Variants in CRAMP1 observed in about 807,000 individuals in gnomAD.
CRAMP1 encodes protein cramped-like.
CRAMP1 carries 50 observed loss-of-function variants against 115.4 expected under a neutral mutation model. The observed-to-expected ratio is 0.43, with a 90% CI of 0.35 to 0.55. The LOEUF (loss-of-function observed/expected upper bound fraction) is 0.55. Ranked by LOEUF, CRAMP1 falls within the 20% of genes least tolerant of loss-of-function variation. CRAMP1 has a pLI of 0.01. For synonymous variants in CRAMP1, 866 were observed against 745.4 expected (o/e 1.16, Z -2.64); for missense variants, 1,679 against 1,721.7 (o/e 0.98, Z 0.44).
chr16:1,627,376 G>A (rs2036516444), intron 3 of CRAMP1, among the ~76,000 whole-genome samples: 1 of 152,142 alleles, frequency 6.6e-6, no homozygotes, highest in African/African-American at 2.4e-5. Context: ...GAACTCCTGA[G>A]CTCAGGCAAT....
Position 1,649,724 on chromosome 16 carries a change from C to T in CRAMP1, c.828-2772C>T, listed in dbSNP as rs181180709. On this transcript the variant is annotated intron_variant, in intron 6 of 20. Coordinates refer to ENST00000397412, the MANE Select transcript of CRAMP1 (RefSeq NM_020825.4). ...CAGGATGGTCTCGAGCTCCTGACCT[C>T]GTGATCTGCCTGCCTCGGCCTCCCA... Among the ~76,000 whole-genome samples the T allele has an allele frequency of 5.2e-3, 786 of 150,994 alleles. 5 individuals are homozygous for T. The highest frequency in any genetic ancestry group is 0.01 in the Middle Eastern group (3 of 294).
At chr16:1,636,504 T>G (rs2036589732) in intron 4 of CRAMP1, among the ~76,000 whole-genome samples, 1 of 152,166 alleles carries the variant, frequency 6.6e-6, no homozygotes, top group South Asian at 2.1e-4. Flanking sequence ...TCCAGAATCC[T>G]CCTCATATCT....
At chr16:1,668,227 C>G in intron 18 of CRAMP1, 34 bp downstream of exon 18, 1 of 1,450,668 alleles carries the variant, frequency 6.9e-7, no homozygotes, top group South Asian at 1.1e-5. Flanking sequence ...CCCTTCCTGT[C>G]ATCAGGTGTT....
chr16:1,668,191 A>C lies in CRAMP1; in HGVS notation c.3332A>C (p.Tyr1111Ser), dbSNP rs750395226. Residue 1111 changes from tyrosine to serine, a missense_variant and splice_region_variant, in exon 18 of 21, where the codon TAC (tyrosine) becomes TCC (serine). Physicochemically the swap from Tyr to Ser is moderately radical, Grantham distance 144 (BLOSUM62 -2). Coordinates refer to ENST00000397412, the MANE Select transcript of CRAMP1 (RefSeq NM_020825.4). ...IIEIAISSGQ[Y>S]GEGVPLSPAK... Reference sequence around the variant, plus strand: ...GAGATCGCCATCAGCTCCGGTCAGTACGGTAAGGGCAGGGCGGCCTCACAG... The same window carrying C: ...GAGATCGCCATCAGCTCCGGTCAGTCCGGTAAGGGCAGGGCGGCCTCACAG... The C allele has an allele frequency of 1.9e-6, 3 of 1,611,556 alleles. No homozygotes were observed. The South Asian group carries it at 3.3e-5, about 18-fold the overall frequency.
intron 2 of CRAMP1, chr16:1,620,753 C>T (rs900604477): frequency 6.6e-6 from 3 of 451,418 alleles, no homozygotes; most frequent in Non-Finnish European, 1.3e-5. Flanking sequence ...TTGGTTTCCC[C>T]CACCACGACC....
chr16:1,634,133 A>G (rs1596485846), intron 4 of CRAMP1, among the ~76,000 whole-genome samples: 1 of 151,974 alleles, frequency 6.6e-6, no homozygotes, highest in East Asian at 1.9e-4. Flanking sequence ...AGCGGAGGGG[A>G]CTGGGCAGCT....
chr16:1,667,386 G>A lies in CRAMP1; in HGVS notation c.3088G>A (p.Ala1030Thr). The change falls in exon 17 of 21, where the codon GCA (alanine) becomes ACA (threonine). Residue 1030 changes from alanine (A) to threonine (T), a missense_variant. This residue lies in a region of CRAMP1 where 709 missense variants were observed against 741.9 expected (regional missense o/e 0.96). Coordinates refer to ENST00000397412, the MANE Select transcript of CRAMP1 (RefSeq NM_020825.4). ...IPSRPEQEPV[A>T]DSFQGSSVLS... ...TTCGAGGCCTGAGCAGGAGCCAGTG[G>A]CAGACAGTTTCCAGGTAGAGTGTGC... 2 of 1,612,842 alleles carry A rather than the reference G, an allele frequency of 1.2e-6. No homozygotes were observed. The highest frequency in any genetic ancestry group is 8.5e-7 in the Non-Finnish European group (1 of 1,179,734).
At chr16:1,659,394 T>C (rs528687494) in intron 10 of CRAMP1, among the ~76,000 whole-genome samples, 3 of 151,984 alleles carry the variant, frequency 2.0e-5, no homozygotes, top group Non-Finnish European at 4.4e-5. Flanking sequence ...TGATTGATTT[T>C]TTTCTTTTTT....
rs1484274037 is a variant in CRAMP1, at chr16:1,655,825, G to C, written c.1120-52G>C. Reference sequence around the variant, plus strand: ...GTGTCTGTACCCATGTGCCTGGTCAGCATCCCGACCTCAGTGCTAGCCAGT... The same window carrying C: ...GTGTCTGTACCCATGTGCCTGGTCACCATCCCGACCTCAGTGCTAGCCAGT... On this transcript the variant is annotated intron_variant, in intron 9 of 20. Transcript: ENST00000397412. 5 of 1,560,822 alleles carry C rather than the reference G, an allele frequency of 3.2e-6. No homozygotes were observed. In the African/African-American group the frequency reaches 4.0e-5, roughly 13 times the overall value.
At chr16:1,646,356 TC>T (rs1348446020) in intron 6 of CRAMP1, among the ~76,000 whole-genome samples, 2 of 152,122 alleles carry the variant, frequency 1.3e-5, no homozygotes. Context: ...CTTCCCACAC[TC>T]CCCAGCACTC....
At position 1,620,589 on chromosome 16, in the gene CRAMP1, A is replaced by G. The variant is rs550356516; in HGVS notation, c.347-5384A>G. 9 of 455,696 alleles carry G rather than the reference A, an allele frequency of 2.0e-5. No homozygotes were observed. In the East Asian group the frequency reaches 4.9e-4, roughly 25 times the overall value. The allele number at this position is 455,696 out of a possible 1,614,324, so 28.2% of individuals were successfully genotyped here. A position where few individuals can be genotyped will look rare whatever the true frequency, so the allele number is the denominator to read the frequency against. On this transcript the variant is annotated intron_variant, in intron 2 of 20. Coordinates refer to ENST00000397412, the MANE Select transcript of CRAMP1 (RefSeq NM_020825.4). ...CCAGGACAGTGAATTGATGTTAGAG[A>G]TGATGACAGGGTGTCACTGGGCTTC...
chr16:1,633,852 G>A (rs933948986), intron 4 of CRAMP1, among the ~76,000 whole-genome samples: 16 of 152,086 alleles, frequency 1.1e-4, no homozygotes, highest in African/African-American at 3.1e-4. Context: ...GGCGGATCAC[G>A]AGGTCAAGAG....
At position 1,614,331 on chromosome 16, in the gene CRAMP1, C is replaced by A. The variant is rs2036396924; in HGVS notation, c.-1-308C>A. 7.0e-6 allele frequency among the ~76,000 whole-genome samples: 1 copy of A among 143,588 alleles called. No homozygotes were observed. The allele number at this position is 143,588 out of a possible 152,430, so 94.2% of individuals were successfully genotyped here. A position where few individuals can be genotyped will look rare whatever the true frequency, so the allele number is the denominator to read the frequency against. On this transcript the variant is annotated intron_variant, in intron 1 of 20. Transcript: ENST00000397412. The surrounding 1 kb of genome is among the most constrained non-coding windows in gnomAD (Gnocchi z 4.4). ...TAGACCCCGGGGCCGGGGCCGGGGC[C>A]GGGGCCGGGCAGGGTCCGCCGAGCT...
At chr16:1,650,926 A>T (rs1180926551) in intron 6 of CRAMP1, among the ~76,000 whole-genome samples, 1 of 152,060 alleles carries the variant, frequency 6.6e-6, no homozygotes, top group Non-Finnish European at 1.5e-5. Context: ...ACTGGGGTCC[A>T]CTCCTTGGAA....
At chr16:1,647,943 C>A (rs1318424908) in intron 6 of CRAMP1, among the ~76,000 whole-genome samples, 1 of 152,058 alleles carries the variant, frequency 6.6e-6, no homozygotes, top group African/African-American at 2.4e-5. Flanking sequence ...CGTCCCGGAA[C>A]TGTGACCAGG....
chr16:1,626,850 G>A (rs1395429465), intron 3 of CRAMP1, among the ~76,000 whole-genome samples: 1 of 151,954 alleles, frequency 6.6e-6, no homozygotes, highest in Non-Finnish European at 1.5e-5. Flanking sequence ...TGCTCACTGT[G>A]TGCTTTTGTA....
At chr16:1,630,378 C>T (rs2036539830) in intron 3 of CRAMP1, among the ~76,000 whole-genome samples, 2 of 152,146 alleles carry the variant, frequency 1.3e-5, no homozygotes, top group African/African-American at 4.8e-5. Flanking sequence ...TCTCAAACTC[C>T]TGGGCTCAAG....
chr16:1,626,741 A>G (rs940163689), intron 3 of CRAMP1, among the ~76,000 whole-genome samples: 20 of 152,168 alleles, frequency 1.3e-4, no homozygotes, highest in Admixed American at 9.2e-4. Context: ...TATTGTGAGC[A>G]TACTTTTTAA....
At chr16:1,643,723 G>A (rs1040839925) in intron 6 of CRAMP1, among the ~76,000 whole-genome samples, 5 of 152,210 alleles carry the variant, frequency 3.3e-5, no homozygotes, top group Non-Finnish European at 7.3e-5. Flanking sequence ...TATGCAGCAC[G>A]CTTGGTGCCA....
Sources: allele counts gnomAD v4.1 joint callset (sites outside exome capture counted in the v4.1 genomes callset), GRCh38; gene constraint gnomAD v4.1.1; regional missense constraint gnomAD v4.1.1; non-coding constraint Gnocchi (gnomAD v3.1); transcripts MANE v1.5; gene names NCBI Gene and HGNC (gene_info 2026-07-23, HGNC 2026-07-21).